EIF3H: variants seen among roughly 807,000 people sequenced by gnomAD.
The protein encoded by EIF3H is eIF-3-gamma.
A neutral mutation model predicts 44.2 loss-of-function variants in EIF3H; 26 were observed. That is an observed-to-expected ratio of 0.59 (90% CI 0.43 to 0.82). The LOEUF is 0.82. Among genes scored for constraint, EIF3H ranks in the 40% least tolerant of loss-of-function variants. The pLI is 0.00. For synonymous variants in EIF3H, 166 were observed against 151.9 expected (o/e 1.09, Z -0.68); for missense variants, 359 against 432.8 (o/e 0.83, Z 1.51).
rs908046351 is a variant in EIF3H at position 116,708,736 on chromosome 8, A to G, written c.289+17280T>C. 3.9e-5 allele frequency among the ~76,000 whole-genome samples: 6 copies of G among 152,122 alleles called. No homozygotes were observed. In the East Asian group the frequency reaches 7.7e-4, roughly 20 times the overall value. ...ACTTTATTCTTAAAACATGAAATAT[A>G]TATTTTAAATGCACATATTTATATC... On this transcript the variant is annotated intron_variant, in intron 2 of 7. Coordinates refer to ENST00000521861, the MANE Select transcript of EIF3H (RefSeq NM_003756.3).
intron 2 of EIF3H, among the ~76,000 whole-genome samples, chr8:116,699,640 T>C (rs1814334751): frequency 6.6e-6 from 1 of 152,172 alleles, no homozygotes; most frequent in Admixed American, 6.5e-5. Flanking sequence ...TCCCAAACCT[T>C]GGCATCATGC....
intron 1 of EIF3H, among the ~76,000 whole-genome samples, chr8:116,731,127 T>C (rs944643767): frequency 1.3e-5 from 2 of 152,234 alleles, no homozygotes; most frequent in African/African-American, 4.8e-5. Context: ...ATATTTTGCT[T>C]ATATGTATCA....
intron 2 of EIF3H, among the ~76,000 whole-genome samples, chr8:116,666,753 C>CAAAAA (rs56700266): frequency 0.22 from 15,258 of 69,570 alleles, 3,228 homozygotes; most frequent in African/African-American, 0.34. Flanking sequence ...TAGTGTTAGG[C>CAAAAA]AAAAAAAAAA....
intron 1 of EIF3H, chr8:116,737,265 TC>T: frequency 2.2e-6 from 1 of 449,178 alleles, no homozygotes; most frequent in African/African-American, 2.0e-5. Flanking sequence ...ATATTTTCTA[TC>T]TACGTACTTG....
At chr8:116,725,897 A>G (rs945959492) in intron 2 of EIF3H, 119 bp downstream of exon 2, 25 of 1,225,446 alleles carry the variant, frequency 2.0e-5, no homozygotes, top group Admixed American at 5.4e-5. Context: ...TCAGACATCA[A>G]GTGAAGTAGG....
chr8:116,659,863 T>C (rs1276288062), intron 2 of EIF3H, among the ~76,000 whole-genome samples: 2 of 152,112 alleles, frequency 1.3e-5, no homozygotes, highest in Non-Finnish European at 2.9e-5. Context: ...GTCAACATAA[T>C]AGCCATGCTA....
At chr8:116,732,249 G>A (rs774218925) in intron 1 of EIF3H, among the ~76,000 whole-genome samples, 6 of 151,728 alleles carry the variant, frequency 4.0e-5, no homozygotes, top group Non-Finnish European at 7.4e-5. Flanking sequence ...ACCTATCTTT[G>A]CCCAAAAATC....
At chr8:116,750,102 C>G (rs1334102115) in intron 1 of EIF3H, among the ~76,000 whole-genome samples, 1 of 152,284 alleles carries the variant, frequency 6.6e-6, no homozygotes, top group South Asian at 2.1e-4. Flanking sequence ...TATATAATAT[C>G]TTATATAGGT....
chr8:116,717,637 CAA>C (rs760516195), intron 2 of EIF3H, among the ~76,000 whole-genome samples: 25 of 151,996 alleles, frequency 1.6e-4, no homozygotes, highest in African/African-American at 6.0e-4. Flanking sequence ...AACAAAAACA[CAA>C]AGTGGGGAAA....
Position 116,658,905 on chromosome 8 carries a change from G to C in EIF3H, c.365C>G (p.Ser122Cys), listed in dbSNP as rs1813540349. The C allele has an allele frequency of 6.2e-7, 1 of 1,613,806 alleles. No individual in the cohort carries two copies. Among genetic ancestry groups the C allele is most frequent in the South Asian group, 1.1e-5 (1 of 91,072 alleles). ...IDHLHVGWYQ[S>C]TYYGSFVTRA... ...GGTAACGAATGAGCCATAGTATGTG[G>C]ACTGATACCAGCCCACGTGAAGATG... The change falls in exon 3 of 8, where the codon TCC (serine) becomes TGC (cysteine). Residue 122 changes from serine (S) to cysteine (C), a missense_variant. This residue lies in a region of EIF3H where 91 missense variants were observed against 164.6 expected (regional missense o/e 0.55). Coordinates refer to ENST00000521861, the MANE Select transcript of EIF3H (RefSeq NM_003756.3).
intron 1 of EIF3H, among the ~76,000 whole-genome samples, chr8:116,764,591 T>G (rs118111058): frequency 1.1e-4 from 16 of 152,364 alleles, no homozygotes; most frequent in Non-Finnish European, 2.4e-4. Context: ...ATGGGCATTT[T>G]AAACAAGCAC....
At chr8:116,678,775 A>G (rs1191579555) in intron 2 of EIF3H, among the ~76,000 whole-genome samples, 1 of 143,518 alleles carries the variant, frequency 7.0e-6, no homozygotes, top group Admixed American at 6.8e-5. Context: ...CCGTCTGAGA[A>G]GTGAGGAGCC....
upstream of EIF3H, chr8:116,755,982 C>G (rs914528529): frequency 2.6e-6 from 4 of 1,536,064 alleles, no homozygotes; most frequent in Non-Finnish European, 3.5e-6. Flanking sequence ...TTTGTGCATG[C>G]CTACTGTACA....
chr8:116,759,728 C>T (rs531900795), upstream of EIF3H, among the ~76,000 whole-genome samples: 35 of 151,868 alleles, frequency 2.3e-4, 1 homozygote, highest in South Asian at 3.3e-3. Flanking sequence ...TGTGCGTGTG[C>T]GCGCGCACAC....
In EIF3H at chr8:116,730,656, A is replaced by C. The variant is rs6996416; in HGVS notation, c.133-4484T>G. ...TTTCATAGATTCGAAGTATCTTTTA[A>C]TAGAGACAGAATCCATGTTGTGCTC... On this transcript the variant is annotated intron_variant, in intron 1 of 7. Transcript: ENST00000521861. 7.5e-3 allele frequency among the ~76,000 whole-genome samples: 1,149 copies of C among 152,352 alleles called. 20 individuals are homozygous for C. The highest frequency in any genetic ancestry group is 0.024 in the Middle Eastern group (7 of 294).
intron 2 of EIF3H, among the ~76,000 whole-genome samples, chr8:116,666,080 T>C (rs1254932990): frequency 6.6e-6 from 1 of 152,200 alleles, no homozygotes; most frequent in East Asian, 1.9e-4. Flanking sequence ...CAATGAAGTG[T>C]CCAATATAAG....
chr8:116,663,648 C>A (rs558195853), intron 2 of EIF3H, among the ~76,000 whole-genome samples: 124 of 152,220 alleles, frequency 8.1e-4, no homozygotes, highest in African/African-American at 2.8e-3. Flanking sequence ...ACAAACTGGT[C>A]AGCTGCACGC....
intron 6 of EIF3H, 28 bp from the exon 7 acceptor site, chr8:116,646,631 T>G (rs1237124336): frequency 6.2e-7 from 1 of 1,611,380 alleles, no homozygotes; most frequent in Non-Finnish European, 8.5e-7. Context: ...AATGGTTTGG[T>G]TATTTTTCTC....
intron 1 of EIF3H, among the ~76,000 whole-genome samples, chr8:116,764,200 T>C (rs899468467): frequency 6.6e-6 from 1 of 152,234 alleles, no homozygotes; most frequent in African/African-American, 2.4e-5. Flanking sequence ...CTAGCAATGC[T>C]GTTATAAATT....
Sources: gnomAD v4.1 joint callset for allele counts (sites outside exome capture counted in the v4.1 genomes callset) on GRCh38, gnomAD v4.1.1 for gene constraint, gnomAD v4.1.1 regional missense constraint, MANE v1.5 for transcripts, NCBI Gene and HGNC (gene_info 2026-07-23, HGNC 2026-07-21) for gene names.